The following PAN3 variants were observed in gnomAD, a reference collection of about 807,000 sequenced individuals.
PAN3 encodes PAN2-PAN3 deadenylation complex subunit PAN3.
PAN3 carries 19 observed loss-of-function variants against 96.2 expected under a neutral mutation model. That is an observed-to-expected ratio of 0.20 (90% CI 0.14 to 0.29). The LOEUF (loss-of-function observed/expected upper bound fraction) is 0.29. Among genes scored for constraint, PAN3 ranks in the 10% least tolerant of loss-of-function variants. The pLI is 1.00. For synonymous variants in PAN3, 433 were observed against 406.6 expected, an observed-to-expected ratio of 1.06 and a Z score of -0.78; for missense variants, 882 against 1,108.1, an observed-to-expected ratio of 0.80 and a Z score of 2.90.
intron 15 of PAN3, among the ~76,000 whole-genome samples, chr13:28,279,215 G>T (rs1017373211): frequency 1.3e-5 from 2 of 152,068 alleles, no homozygotes; most frequent in African/African-American, 4.8e-5. Context: ...TTCTGCCACT[G>T]TTCTAATGAT....
intron 18 of PAN3, 90 bp from the exon 19 acceptor site, chr13:28,292,292 T>G: frequency 7.6e-7 from 1 of 1,312,880 alleles, no homozygotes; most frequent in East Asian, 2.6e-5. Context: ...ACAAAAAAAA[T>G]TTAGATATTT....
intron 1 of PAN3, among the ~76,000 whole-genome samples, chr13:28,148,903 T>A (rs80332157): frequency 0.025 from 3,875 of 152,272 alleles, 149 homozygotes; most frequent in African/African-American, 0.088. Flanking sequence ...TAATGGATAT[T>A]TTAGTGGTTT....
chr13:28,289,625 T>G (rs1869462753), intron 18 of PAN3, among the ~76,000 whole-genome samples: 1 of 152,202 alleles, frequency 6.6e-6, no homozygotes, highest in African/African-American at 2.4e-5. Context: ...CTCGCGCCTG[T>G]AATCCCAGCA....
At chr13:28,214,766 T>C (rs1368961098) in intron 5 of PAN3, 5 of 564,522 alleles carry the variant, frequency 8.9e-6, no homozygotes, top group Non-Finnish European at 1.6e-5. Flanking sequence ...GACCAACAAG[T>C]ACTACATGAC....
intron 5 of PAN3, chr13:28,214,734 A>T (rs1349372218): frequency 7.7e-6 from 4 of 521,430 alleles, no homozygotes; most frequent in Non-Finnish European, 1.4e-5. Flanking sequence ...CTCACTATTG[A>T]TATCTCCCTG....
At chr13:28,264,714 G>A (rs1886018727) in intron 9 of PAN3, among the ~76,000 whole-genome samples, 1 of 152,096 alleles carries the variant, frequency 6.6e-6, no homozygotes, top group Non-Finnish European at 1.5e-5. Context: ...TAGTGTATTA[G>A]CTCTCAAAGT....
chr13:28,232,254 A>G (rs1306720492), intron 6 of PAN3, among the ~76,000 whole-genome samples: 1 of 152,226 alleles, frequency 6.6e-6, no homozygotes, highest in Non-Finnish European at 1.5e-5. Flanking sequence ...TAGACATTGA[A>G]GGACAGCAAA....
At chr13:28,215,856 A>G in intron 5 of PAN3, 1 of 1,386,436 alleles carries the variant, frequency 7.2e-7, no homozygotes, top group Admixed American at 1.7e-5. Flanking sequence ...TGGAGCTGGC[A>G]AGGTCACCAG....
intron 6 of PAN3, among the ~76,000 whole-genome samples, chr13:28,255,099 C>T (rs1405527946): frequency 1.3e-5 from 2 of 152,174 alleles, no homozygotes; most frequent in Non-Finnish European, 2.9e-5. Context: ...AATTGAAACT[C>T]ATATCCCTGT....
intron 9 of PAN3, among the ~76,000 whole-genome samples, chr13:28,266,219 C>T (rs1002475804): frequency 2.6e-5 from 4 of 152,136 alleles, no homozygotes; most frequent in African/African-American, 9.7e-5. Context: ...TATGGCTGTA[C>T]TACATGTTGG....
At chr13:28,185,723 C>T (rs548883497) in intron 4 of PAN3, among the ~76,000 whole-genome samples, 1 of 152,072 alleles carries the variant, frequency 6.6e-6, no homozygotes, top group Admixed American at 6.6e-5. Context: ...TGGCTGTACT[C>T]ATCATCTAAT....
At chr13:28,198,400 CA>C (rs1878322362) in intron 5 of PAN3, among the ~76,000 whole-genome samples, 1 of 151,926 alleles carries the variant, frequency 6.6e-6, no homozygotes, top group South Asian at 2.1e-4. Flanking sequence ...TACTAGGAAA[CA>C]AAAATTATAT....
intron 1 of PAN3, among the ~76,000 whole-genome samples, chr13:28,166,852 C>G (rs1352832423): frequency 6.6e-6 from 1 of 152,080 alleles, no homozygotes; most frequent in Non-Finnish European, 1.5e-5. Context: ...GGGAGTCTTG[C>G]TTGGGAATAA....
intron 1 of PAN3, among the ~76,000 whole-genome samples, chr13:28,146,627 G>A (rs1215667875): frequency 1.3e-5 from 2 of 152,154 alleles, no homozygotes; most frequent in Non-Finnish European, 1.5e-5. Flanking sequence ...TGTACAGCCT[G>A]TTACTGTACT....
At position 28,138,628 on chromosome 13, in the gene PAN3, G is replaced by GGCGGCGGAAGACGAGGCT. The variant is rs902713348; in HGVS notation, c.-23_-6dup. The GGCGGCGGAAGACGAGGCT allele has an allele frequency of 8.3e-6, 4 of 483,546 alleles. No individual in the cohort carries two copies. The African/African-American group carries it at 1.0e-4, about 12-fold the overall frequency. The allele number at this position is 483,546 out of a possible 1,614,324, so 30.0% of individuals were successfully genotyped here. On this transcript the variant is annotated 5_prime_UTR_variant, in exon 1 of 19. Coordinates refer to ENST00000380958, the MANE Select transcript of PAN3 (RefSeq NM_175854.8). ...TGGTGGCGGCGGCGGCTCCTCGGGC[G>GGCGGCGGAAGACGAGGCT]GCGGCGGAAGACGAGGCTGCGGCGT...
intron 7 of PAN3, 94 bp downstream of exon 7, chr13:28,256,633 G>C: frequency 2.3e-6 from 3 of 1,319,800 alleles, no homozygotes; most frequent in Non-Finnish European, 3.1e-6. Flanking sequence ...GCTTTTTATT[G>C]TGATGCAAAA....
At chr13:28,214,636 A>G (rs181594483) in intron 5 of PAN3, 16 of 425,970 alleles carry the variant, frequency 3.8e-5, no homozygotes, top group Admixed American at 3.3e-4. Context: ...TCATTGAAAA[A>G]TTGGAAAAGG....
rs1869988891 is a variant in PAN3 at position 28,293,387 on chromosome 13, G to GTTTTTTTTTGTTTTTTTTTTTTTTTT, written c.*874_*875insGTTTTTTTTTTTTTTTTTTTTTTTTT. On this transcript the variant is annotated 3_prime_UTR_variant, in exon 19 of 19. Transcript: ENST00000380958. The stretch of plus-strand genomic sequence containing the variant: ...ACTTTAGGTTCTTTCCAGTTTGCTG[G>GTTTTTTTTTGTTTTTTTTTTTTTTTT]TTTTTTTTTTTTTTTTTTTTTTTTT... The GTTTTTTTTTGTTTTTTTTTTTTTTTT allele has an allele frequency of 4.7e-5, 1 of 21,356 alleles. No homozygotes were observed. The highest frequency in any genetic ancestry group is 2.0e-4 in the African/African-American group (1 of 4,970). 1.3% of individuals were successfully genotyped at this position (21,356 alleles called of 1,614,324 possible). A position where few individuals can be genotyped will look rare whatever the true frequency, so the allele number is the denominator to read the frequency against.
At position 28,138,913 on chromosome 13, in the gene PAN3, G is replaced by T; in HGVS notation, c.256G>T (p.Val86Phe). 7.3e-7 allele frequency: 1 copy of T among 1,378,084 alleles called. No homozygotes were observed. The highest frequency in any genetic ancestry group is 1.5e-5 in the African/African-American group (1 of 66,726). The allele number at this position is 1,378,084 out of a possible 1,614,324, so 85.4% of individuals were successfully genotyped here. The part of the protein sequence containing the change: ...APGLGLHSNS[V>F]PLALAGAPVA... ...GGGCCTCGGCCTCCATAGCAACAGCGTCCCCCTGGCTCTGGCTGGTGCACC... is the reference window on the plus strand; with the variant it reads ...GGGCCTCGGCCTCCATAGCAACAGCTTCCCCCTGGCTCTGGCTGGTGCACC... Residue 86 changes from valine (V) to phenylalanine (F), a missense_variant, in exon 1 of 19, where the codon GTC becomes TTC. By Grantham distance (50) the Val-to-Phe change is conservative. This residue lies in a region of PAN3 where 442 missense variants were observed against 422.8 expected (regional missense o/e 1.05). Coordinates refer to ENST00000380958, the MANE Select transcript of PAN3 (RefSeq NM_175854.8).
Sources: gnomAD v4.1 joint callset for allele counts (sites outside exome capture counted in the v4.1 genomes callset) on GRCh38, gnomAD v4.1.1 for gene constraint, gnomAD v4.1.1 regional missense constraint, MANE v1.5 for transcripts, NCBI Gene and HGNC (gene_info 2026-07-23, HGNC 2026-07-21) for gene names.